Variants in C12orf56 observed in about 807,000 individuals in gnomAD.
C12orf56 encodes uncharacterized protein C12orf56.
Under a neutral mutation model 69.9 loss-of-function variants are expected in C12orf56, and 71 were observed. The ratio of observed to expected loss-of-function variants is 1.02; its 90% confidence interval spans 0.84 to 1.24. C12orf56 has a LOEUF of 1.24. C12orf56 is among the 50% of genes most tolerant of loss of function. C12orf56 has a pLI of 0.00. For synonymous variants in C12orf56, 276 were observed against 274.1 expected, an observed-to-expected ratio of 1.01 and a Z score of -0.07; for missense variants, 732 against 738.5, an observed-to-expected ratio of 0.99 and a Z score of 0.10.
intron 1 of C12orf56, among the ~76,000 whole-genome samples, chr12:64,354,581 C>A (rs995262736): frequency 1.3e-5 from 2 of 151,968 alleles, no homozygotes; most frequent in Non-Finnish European, 2.9e-5. Context: ...CCTCAGCCTC[C>A]GGAGTATCTG....
intron 3 of C12orf56, among the ~76,000 whole-genome samples, chr12:64,320,027 G>A (rs554427114): frequency 2.0e-5 from 3 of 152,228 alleles, no homozygotes; most frequent in African/African-American, 7.2e-5. Flanking sequence ...ATCCGGCAGG[G>A]TGTCCGCTGT....
chr12:64,377,860 T>C (rs113357114), intron 1 of C12orf56, among the ~76,000 whole-genome samples: 1 of 151,810 alleles, frequency 6.6e-6, no homozygotes, highest in Non-Finnish European at 1.5e-5. Context: ...CCAAAAAAAA[T>C]TTTTTTTTAT....
At chr12:64,349,358 ATC>A (rs1223516578) in intron 2 of C12orf56, among the ~76,000 whole-genome samples, 19 of 152,316 alleles carry the variant, frequency 1.2e-4, no homozygotes, top group South Asian at 1.0e-3. Context: ...TAATCAAAAA[ATC>A]AATAGATGCT....
chr12:64,299,495 A>G (rs1192749332), intron 6 of C12orf56, among the ~76,000 whole-genome samples: 1 of 152,204 alleles, frequency 6.6e-6, no homozygotes, highest in African/African-American at 2.4e-5. Context: ...AGATCATGAA[A>G]GCTTCATTTT....
At chr12:64,352,741 A>G (rs949687390) in intron 2 of C12orf56, among the ~76,000 whole-genome samples, 153 bp downstream of exon 2, 3 of 152,160 alleles carry the variant, frequency 2.0e-5, no homozygotes, top group Non-Finnish European at 4.4e-5. Context: ...CGCATCTTTC[A>G]ATGTGTCCCC....
intron 3 of C12orf56, among the ~76,000 whole-genome samples, chr12:64,324,561 T>C (rs1031595178): frequency 8.5e-5 from 13 of 152,184 alleles, no homozygotes; most frequent in African/African-American, 3.1e-4. Context: ...TTTGCAGTGC[T>C]CCAACTATTG....
intron 5 of C12orf56, among the ~76,000 whole-genome samples, chr12:64,306,618 C>T (rs1461079981): frequency 1.3e-5 from 2 of 152,136 alleles, no homozygotes; most frequent in Non-Finnish European, 2.9e-5. Context: ...ATCCGCCCAC[C>T]TCAGCCTCTG....
At chr12:64,300,910 C>T (rs1054473483) in intron 6 of C12orf56, among the ~76,000 whole-genome samples, 5 of 152,162 alleles carry the variant, frequency 3.3e-5, no homozygotes, top group Admixed American at 2.6e-4. Context: ...TTGTAATCCC[C>T]ACTGTCGAGG....
intron 2 of C12orf56, among the ~76,000 whole-genome samples, chr12:64,344,783 A>T (rs2039118780): frequency 6.6e-6 from 1 of 152,098 alleles, no homozygotes; most frequent in Non-Finnish European, 1.5e-5. Flanking sequence ...CTCTAAAATG[A>T]CTAATCCACT....
chr12:64,305,298 A>T (rs1269382787), intron 5 of C12orf56, among the ~76,000 whole-genome samples: 4 of 152,168 alleles, frequency 2.6e-5, no homozygotes, highest in Admixed American at 6.5e-5. Flanking sequence ...TGGGCAAGTT[A>T]CATAGCTTCT....
At chr12:64,359,479 T>TA (rs998030851) in intron 1 of C12orf56, among the ~76,000 whole-genome samples, 18 of 151,620 alleles carry the variant, frequency 1.2e-4, no homozygotes, top group South Asian at 4.2e-4. Context: ...TTTTAAAAAT[T>TA]AAAAAAAAAT....
chr12:64,330,950 A>AC lies in C12orf56; in HGVS notation c.488+9dup. 6 of 1,539,818 alleles carry AC rather than the reference A, an allele frequency of 3.9e-6. No individual in the cohort carries two copies. Among genetic ancestry groups the AC allele is most frequent in the Non-Finnish European group, 5.3e-6 (6 of 1,141,142 alleles). The stretch of plus-strand genomic sequence containing the variant: ...GCAAGTTAAACACATACTCCAAACA[A>AC]CAATCTCACCTGAGAGGAGATTCTT... On this transcript the variant is annotated intron_variant, in intron 3 of 12. Transcript: ENST00000543942.
In C12orf56 at chr12:64,264,781, C is replaced by T. The variant is rs934732263; in HGVS notation, c.*2402G>A. On this transcript the variant is annotated 3_prime_UTR_variant, in exon 13 of 13. Coordinates refer to ENST00000543942, the MANE Select transcript of C12orf56 (RefSeq NM_001170633.2). Reference sequence around the variant, plus strand: ...GAAGAATAGTGGTTGGACAATCCTTCGAATTATTAGTTTCTGATCCCAGAC... The same window carrying T: ...GAAGAATAGTGGTTGGACAATCCTTTGAATTATTAGTTTCTGATCCCAGAC... 6.6e-6 allele frequency: 1 copy of T among 152,158 alleles called. No homozygotes were observed. The highest frequency in any genetic ancestry group is 1.5e-5 in the Non-Finnish European group (1 of 68,030). 9.4% of individuals were successfully genotyped at this position (152,158 alleles called of 1,614,324 possible). A position where few individuals can be genotyped will look rare whatever the true frequency, so the allele number is the denominator to read the frequency against.
chr12:64,327,144 A>C (rs761782407), intron 3 of C12orf56, among the ~76,000 whole-genome samples: 2 of 151,996 alleles, frequency 1.3e-5, no homozygotes, highest in Non-Finnish European at 2.9e-5. Flanking sequence ...AGCAGATACA[A>C]CTCCTTGACC....
intron 3 of C12orf56, among the ~76,000 whole-genome samples, chr12:64,329,323 GT>G (rs1173770562): frequency 1.3e-5 from 2 of 151,908 alleles, no homozygotes; most frequent in African/African-American, 4.8e-5. Flanking sequence ...TCAATTAAAT[GT>G]TAGTATTGTG....
At chr12:64,326,143 G>A (rs531943843) in intron 3 of C12orf56, among the ~76,000 whole-genome samples, 2 of 152,266 alleles carry the variant, frequency 1.3e-5, no homozygotes, top group Non-Finnish European at 2.9e-5. Context: ...TGGTAGATGG[G>A]AAATAATCAA....
chr12:64,274,380 G>A (rs2038025612), intron 11 of C12orf56, among the ~76,000 whole-genome samples: 1 of 152,202 alleles, frequency 6.6e-6, no homozygotes, highest in African/African-American at 2.4e-5. Flanking sequence ...CATTCAGAAG[G>A]AAGAGTTATT....
Position 64,278,367 on chromosome 12 carries a change from G to A in C12orf56, c.1311-564C>T, listed in dbSNP as rs142287722. Among the ~76,000 whole-genome samples, 25 of 151,990 alleles carry A rather than the reference G, an allele frequency of 1.6e-4. No homozygotes were observed. The East Asian group carries it at 4.3e-3, about 26-fold the overall frequency. On this transcript the variant is annotated intron_variant, in intron 8 of 12. Coordinates refer to ENST00000543942, the MANE Select transcript of C12orf56 (RefSeq NM_001170633.2). ...GGCACAGGATCTCATGATGTTGCCC[G>A]GGCTGGTCTTGAACTACTGGACTCA...
chr12:64,330,980 A>T lies in C12orf56; in HGVS notation c.468T>A (p.Ser156Arg). The change falls in exon 3 of 13, where the codon AGT (serine) becomes AGA (arginine). Residue 156 changes from serine to arginine, a missense_variant. Coordinates refer to ENST00000543942, the MANE Select transcript of C12orf56 (RefSeq NM_001170633.2). ...LAFWRSKESR[S>R]LKESPLRDQQ... ...CTCACCTGAGAGGAGATTCTTTCAG[A>T]CTTCTGGACTCTTTGCTTCTCCAAA... The T allele has an allele frequency of 6.4e-7, 1 of 1,555,940 alleles. No individual in the cohort carries two copies. The highest frequency in any genetic ancestry group is 8.7e-7 in the Non-Finnish European group (1 of 1,149,170).
Sources: allele counts gnomAD v4.1 joint callset (sites outside exome capture counted in the v4.1 genomes callset), GRCh38; gene constraint gnomAD v4.1.1; transcripts MANE v1.5; gene names NCBI Gene and HGNC (gene_info 2026-07-23, HGNC 2026-07-21).